Variants in PDE4C observed in about 807,000 individuals in gnomAD.
PDE4C encodes the protein phosphodiesterase 4C.
PDE4C carries 50 observed loss-of-function variants against 63.9 expected under a neutral mutation model. The observed-to-expected ratio is 0.78, with a 90% CI of 0.62 to 0.99. PDE4C has a LOEUF of 0.99. Among genes scored for constraint, PDE4C ranks in the 50% least tolerant of loss-of-function variants. The pLI is 0.00. For missense variants in PDE4C, 777 were observed against 899.1 expected, an observed-to-expected ratio of 0.86 and a Z score of 1.74; for synonymous variants, 377 against 385.1, an observed-to-expected ratio of 0.98 and a Z score of 0.25.
chr19:18,250,243 C>G, upstream of PDE4C: 1 of 399,010 alleles, frequency 2.5e-6, no homozygotes, highest in Non-Finnish European at 4.4e-6. Flanking sequence ...GTTGGCCCTG[C>G]TTGGGATAGC....
At chr19:18,241,378 G>A (rs537968031) in intron 1 of PDE4C, among the ~76,000 whole-genome samples, 2 of 143,566 alleles carry the variant, frequency 1.4e-5, no homozygotes, top group African/African-American at 5.2e-5. Context: ...ACCATTCTCC[G>A]GCCTCAGCTT....
At chr19:18,233,450 A>G (rs1968894197) in exon 1 of PDE4C, 2 of 638,722 alleles carry the variant, frequency 3.1e-6, no homozygotes, top group Admixed American at 4.5e-5. Context: ...TGTTGAAGCT[A>G]GGGGCTGAAG....
Position 18,220,620 on chromosome 19 carries a change from G to A in PDE4C, c.500-105C>T, listed in dbSNP as rs1968419743. The A allele has an allele frequency of 4.9e-6, 5 of 1,021,888 alleles. No homozygotes were observed. The highest frequency in any genetic ancestry group is 7.2e-6 in the Non-Finnish European group (5 of 691,708). The allele number at this position is 1,021,888 out of a possible 1,614,324, so 63.3% of individuals were successfully genotyped here. A position where few individuals can be genotyped will look rare whatever the true frequency, so the allele number is the denominator to read the frequency against. ...CTGGACCCTGAAACTGTTCCCACGG[G>A]GGCCACCCAGGACTCCTGGACCCAA... On this transcript the variant is annotated intron_variant, in intron 5 of 14. Transcript: ENST00000262805. This position sits in a 1 kb window ranked among gnomAD's most constrained non-coding sequence, Gnocchi z 5.1.
intron 1 of PDE4C, chr19:18,224,555 A>C: frequency 1.0e-6 from 1 of 973,174 alleles, no homozygotes; most frequent in Non-Finnish European, 1.2e-6. Context: ...CGTCCGATTG[A>C]GCTCGGGAGA....
At chr19:18,217,807 C>G (rs2011004) in intron 11 of PDE4C, among the ~76,000 whole-genome samples, 85,269 of 151,930 alleles carry the variant, frequency 0.56, 24,788 homozygotes, top group Non-Finnish European at 0.63. Flanking sequence ...TGAGGCTAGA[C>G]AATCGCTTGA....
intron 1 of PDE4C, among the ~76,000 whole-genome samples, chr19:18,222,700 CT>C (rs1199712120): frequency 0.078 from 4,174 of 53,214 alleles, 154 homozygotes; most frequent in East Asian, 0.43. Context: ...CCTTTCTTTT[CT>C]TTTTTTTTTT....
intron 12 of PDE4C, 122 bp from the exon 13 acceptor site, chr19:18,213,612 T>G (rs972349717): frequency 1.1e-4 from 126 of 1,108,904 alleles, no homozygotes; most frequent in Non-Finnish European, 1.5e-4. Flanking sequence ...TACTCATCTG[T>G]GAAATGGAAG....
chr19:18,213,935 C>G (rs1968081776), intron 12 of PDE4C, among the ~76,000 whole-genome samples: 1 of 152,222 alleles, frequency 6.6e-6, no homozygotes, highest in South Asian at 2.1e-4. Context: ...CTTCCCAACT[C>G]CTACTCATCC....
In PDE4C at chr19:18,220,360, C is replaced by G. The variant is rs756209308; in HGVS notation, c.613-41G>C. On this transcript the variant is annotated intron_variant, in intron 6 of 14. Transcript: ENST00000262805. This position sits in a 1 kb window ranked among gnomAD's most constrained non-coding sequence, Gnocchi z 5.1. ...GGTGAAGACCGTGATGATGGGGCAC[C>G]GTGGGCCGAGGCAGGTGAGCTCAGC... is the stretch of plus-strand genomic sequence containing the variant. 76 of 1,612,202 alleles carry G rather than the reference C, an allele frequency of 4.7e-5. No individual in the cohort carries two copies. Among genetic ancestry groups the G allele is most frequent in the East Asian group, 2.9e-4 (13 of 44,854 alleles).
Position 18,243,743 on chromosome 19 carries a change from C to T in PDE4C, c.-210+4428G>A, listed in dbSNP as rs576585388. ...CCTGGGACCCAGCCAGCTATCCCTC[C>T]CCCATCTGGAGTGGAATGGGGTAAG... On this transcript the variant is annotated intron_variant, in intron 1 of 15. Coordinates refer to the PDE4C transcript ENST00000594617. 1.7e-4 allele frequency among the ~76,000 whole-genome samples: 26 copies of T among 152,318 alleles called. 1 individual carries two copies. In the South Asian group the frequency reaches 4.8e-3, roughly 28 times the overall value.
At chr19:18,233,493 C>T (rs1968895672) in exon 1 of PDE4C, 7 of 646,142 alleles carry the variant, frequency 1.1e-5, no homozygotes, top group Admixed American at 2.1e-5. Context: ...CCCCGAAAAC[C>T]GTCTGCCGTC....
Position 18,211,755 on chromosome 19 carries a change from C to T in PDE4C, c.1695+4G>A. The T allele has an allele frequency of 6.2e-7, 1 of 1,614,140 alleles. No individual in the cohort carries two copies. The highest frequency in any genetic ancestry group is 8.5e-7 in the Non-Finnish European group (1 of 1,179,950). ...CTACCGGTTCAGCCCAGTCCCCTGCCAACCTGGGACTTCTCCACTGAGGCC... is the reference window on the plus strand; with the variant it reads ...CTACCGGTTCAGCCCAGTCCCCTGCTAACCTGGGACTTCTCCACTGAGGCC... On this transcript the variant is annotated splice_donor_region_variant and intron_variant, in intron 14 of 14. Transcript: ENST00000262805.
At chr19:18,222,414 C>T (rs1968524545) in intron 1 of PDE4C, 91 bp from the exon 2 acceptor site, 1 of 1,202,000 alleles carries the variant, frequency 8.3e-7, no homozygotes, top group Admixed American at 2.2e-5. Flanking sequence ...CTCCCTGGGG[C>T]TGCTTGGCAG....
chr19:18,240,442 A>AC (rs59850812), intron 1 of PDE4C, among the ~76,000 whole-genome samples: 51 of 148,284 alleles, frequency 3.4e-4, no homozygotes, highest in African/African-American at 1.2e-3. Context: ...AAAAAAAAAA[A>AC]CGGGGCTGGG....
intron 12 of PDE4C, among the ~76,000 whole-genome samples, chr19:18,213,924 G>A (rs1028477844): frequency 2.6e-5 from 4 of 152,086 alleles, no homozygotes; most frequent in Non-Finnish European, 2.9e-5. Context: ...CTGGAATGCC[G>A]CTTCCCAACT....
chr19:18,230,638 T>C (rs1416511497), upstream of PDE4C, among the ~76,000 whole-genome samples: 1 of 152,178 alleles, frequency 6.6e-6, no homozygotes, highest in Admixed American at 6.5e-5. Context: ...ATTCTGTTCC[T>C]TCTACTTAGA....
chr19:18,252,886 C>T (rs1969248024), upstream of PDE4C, among the ~76,000 whole-genome samples: 1 of 152,208 alleles, frequency 6.6e-6, no homozygotes, highest in Non-Finnish European at 1.5e-5. Context: ...GGATTACAGG[C>T]ATAAGCCATC....
chr19:18,246,903 G>T (rs1969143748), intron 1 of PDE4C, among the ~76,000 whole-genome samples: 1 of 152,120 alleles, frequency 6.6e-6, no homozygotes. Flanking sequence ...CTCCAGCCTG[G>T]GCGACAGAGT....
At chr19:18,254,730 C>A in the PDE4C span, among the ~76,000 whole-genome samples, 1 of 152,138 alleles carries the variant, frequency 6.6e-6, no homozygotes, top group African/African-American at 2.4e-5. Flanking sequence ...AAAGGGAATG[C>A]GAGAAGCTCA....
Sources: gnomAD v4.1 joint callset for allele counts (sites outside exome capture counted in the v4.1 genomes callset) on GRCh38, gnomAD v4.1.1 for gene constraint, Gnocchi (gnomAD v3.1) non-coding constraint, MANE v1.5 for transcripts, NCBI Gene and HGNC (gene_info 2026-07-23, HGNC 2026-07-21) for gene names.